The following SEC24A variants were observed in gnomAD, a reference collection of about 807,000 sequenced individuals.
SEC24A encodes the protein protein transport protein Sec24A.
In SEC24A, 93 loss-of-function variants were observed where a neutral mutation model predicts 129.4. The ratio of observed to expected loss-of-function variants is 0.72; its 90% CI spans 0.61 to 0.85. The LOEUF is 0.85. Among genes scored for constraint, SEC24A ranks in the 40% least tolerant of loss-of-function variants. SEC24A has a pLI of 0.00. For synonymous variants in SEC24A, 460 were observed against 467.3 expected (o/e 0.98, Z 0.20); for missense variants, 1,264 against 1,307.4 (o/e 0.97, Z 0.51).
At chr5:134,701,440 A>G (rs1184476681) in intron 15 of SEC24A, among the ~76,000 whole-genome samples, 2 of 152,016 alleles carry the variant, frequency 1.3e-5, no homozygotes, top group Non-Finnish European at 2.9e-5. Context: ...ACTTGTCAAG[A>G]CAGAGGCTAT....
chr5:134,666,949 A>G lies in SEC24A; in HGVS notation c.692A>G (p.Tyr231Cys), dbSNP rs538350330. ...GCCCTCACGCCCCTGACATCATCAT[A>G]TAGAGATGTACCCCAGCCCTTATTT... is the stretch of plus-strand genomic sequence containing the variant. ...VRALTPLTSS[Y>C]RDVPQPLFNS... The change falls in exon 3 of 23, where the codon TAT (tyrosine) becomes TGT (cysteine). Residue 231 changes from tyrosine (Y) to cysteine (C), a missense_variant. Coordinates refer to ENST00000398844, the MANE Select transcript of SEC24A (RefSeq NM_021982.3). 2.5e-6 allele frequency: 4 copies of G among 1,611,924 alleles called. No individual in the cohort carries two copies. The African/African-American group carries it at 4.0e-5, about 16-fold the overall frequency.
chr5:134,665,430 G>A (rs1335930239), intron 2 of SEC24A, among the ~76,000 whole-genome samples: 2 of 151,114 alleles, frequency 1.3e-5, no homozygotes, highest in Admixed American at 6.6e-5. Flanking sequence ...ACTCCAGCCT[G>A]GGGGACAAGA....
rs764277079 is a variant in SEC24A, at chr5:134,661,433, T to C, written c.412T>C (p.Trp138Arg). 2.0e-5 allele frequency: 33 copies of C among 1,614,084 alleles called. No homozygotes were observed. Among genetic ancestry groups the C allele is most frequent in the Admixed American group, 3.3e-5 (2 of 59,970 alleles). ...AGCCAACCTGCCACCACCTTTGAAT[T>C]GGCAATATAACTATCCATCCACAGC... ...PEANLPPPLN[W>R]QYNYPSTASQ... The change falls in exon 2 of 23, where the codon TGG becomes CGG. Residue 138 changes from tryptophan (W) to arginine (R), a missense_variant. Transcript: ENST00000398844.
chr5:134,686,789 G>T lies in SEC24A; in HGVS notation c.1492-1G>T, dbSNP rs368606877. On this transcript the variant is annotated splice_acceptor_variant, in intron 9 of 22. Coordinates refer to ENST00000398844, the MANE Select transcript of SEC24A (RefSeq NM_021982.3). LOFTEE classifies it high-confidence loss of function. Reference sequence around the variant, plus strand: ...ACTTAACAAGATCTTTTTTTCTTCAGTTACGACCACCTCAGCCTCCAGTGT... The same window carrying T: ...ACTTAACAAGATCTTTTTTTCTTCATTTACGACCACCTCAGCCTCCAGTGT... The T allele has an allele frequency of 1.3e-6, 2 of 1,578,508 alleles. No homozygotes were observed. The highest frequency in any genetic ancestry group is 1.8e-5 in the Admixed American group (1 of 54,358).
chr5:134,671,880 T>C lies in SEC24A; in HGVS notation c.811T>C (p.Leu271=). The C allele has an allele frequency of 1.2e-6, 2 of 1,604,928 alleles. No homozygotes were observed. The highest frequency in any genetic ancestry group is 1.7e-6 in the Non-Finnish European group (2 of 1,174,970). ...TTACGACGAGATTGAAGGAGGTGGC[T>C]TATTGGGTGAGATGCTATGAAAGTT... The part of the protein sequence containing the change: ...SSYDEIEGGG[L]LATPQLTNKN... Residue 271 remains leucine, a synonymous_variant, in exon 4 of 23, where the codon TTA becomes CTA. Transcript: ENST00000398844.
At chr5:134,650,557 T>C (rs1043176429) in intron 1 of SEC24A, among the ~76,000 whole-genome samples, 36 of 151,020 alleles carry the variant, frequency 2.4e-4, no homozygotes, top group African/African-American at 8.5e-4. Flanking sequence ...TTTTTTGAGA[T>C]GGAGTCTTGT....
intron 1 of SEC24A, among the ~76,000 whole-genome samples, chr5:134,660,657 G>A (rs1173621224): frequency 1.3e-5 from 2 of 150,750 alleles, no homozygotes; most frequent in Non-Finnish European, 2.9e-5. Flanking sequence ...CTGGGTTCAA[G>A]TAATCCTCCT....
intron 2 of SEC24A, among the ~76,000 whole-genome samples, chr5:134,664,333 T>G (rs1403409469): frequency 1.3e-5 from 2 of 152,146 alleles, no homozygotes; most frequent in Non-Finnish European, 2.9e-5. Flanking sequence ...TTAGTTCATA[T>G]ATTAAATTTT....
intron 9 of SEC24A, among the ~76,000 whole-genome samples, chr5:134,683,358 C>T (rs923819126): frequency 6.6e-5 from 10 of 151,548 alleles, no homozygotes; most frequent in African/African-American, 2.4e-4. Flanking sequence ...GTTTTTTTTT[C>T]CCTATTGCTT....
intron 8 of SEC24A, 127 bp from the exon 9 acceptor site, chr5:134,682,246 A>G: frequency 1.8e-6 from 1 of 543,106 alleles, no homozygotes; most frequent in Non-Finnish European, 3.2e-6. Flanking sequence ...CTGTCTCAAA[A>G]AAAAAAAAGA....
At chr5:134,680,809 A>G (rs1207330724) in intron 8 of SEC24A, among the ~76,000 whole-genome samples, 1 of 152,014 alleles carries the variant, frequency 6.6e-6, no homozygotes, top group Non-Finnish European at 1.5e-5. Context: ...TTTAAAAACC[A>G]GTTTTATTGG....
chr5:134,661,329 G>A lies in SEC24A; in HGVS notation c.308G>A (p.Gly103Asp), dbSNP rs759702999. 15 of 1,614,008 alleles carry A rather than the reference G, an allele frequency of 9.3e-6. No individual in the cohort carries two copies. The South Asian group carries it at 1.5e-4, about 17-fold the overall frequency. The change falls in exon 2 of 23, where the codon GGT becomes GAT. Residue 103 changes from glycine to aspartate, a missense_variant. Coordinates refer to ENST00000398844, the MANE Select transcript of SEC24A (RefSeq NM_021982.3). ...SNPVTPSLHS[G>D]PAPRMPLPAS... Reference sequence around the variant, plus strand: ...CCAGTGACACCTTCGCTTCATAGTGGTCCTGCTCCCCGAATGCCATTACCT... The same window carrying A: ...CCAGTGACACCTTCGCTTCATAGTGATCCTGCTCCCCGAATGCCATTACCT...
intron 19 of SEC24A, among the ~76,000 whole-genome samples, chr5:134,716,670 C>T (rs577059695): frequency 1.3e-5 from 2 of 148,632 alleles, no homozygotes; most frequent in South Asian, 2.2e-4. Flanking sequence ...TGGTGATGCA[C>T]GCCTGTAATC....
Position 134,694,064 on chromosome 5 carries a change from G to A in SEC24A, c.1986+131G>A, listed in dbSNP as rs1751745212. ...GGACTATAAGGAAGTTAACTTTTAT[G>A]TAGACATTTTTATTTTGTTACATTT... is the stretch of plus-strand genomic sequence containing the variant. On this transcript the variant is annotated intron_variant, in intron 13 of 22. Transcript: ENST00000398844. 8 of 706,054 alleles carry A rather than the reference G, an allele frequency of 1.1e-5. 1 individual carries two copies. The South Asian group carries it at 1.6e-4, about 14-fold the overall frequency. The allele number at this position is 706,054 out of a possible 1,614,324, so 43.7% of individuals were successfully genotyped here.
intron 11 of SEC24A, among the ~76,000 whole-genome samples, chr5:134,691,063 A>G (rs1344657079): frequency 6.6e-6 from 1 of 151,446 alleles, no homozygotes; most frequent in Non-Finnish European, 1.5e-5. Flanking sequence ...ATGTTGGCCA[A>G]TCTGGTCTCA....
intron 19 of SEC24A, 89 bp downstream of exon 19, chr5:134,715,250 T>G: frequency 8.9e-7 from 1 of 1,124,154 alleles, no homozygotes; most frequent in Non-Finnish European, 1.3e-6. Flanking sequence ...GTTTGTTTAT[T>G]ATTTAAGGCT....
chr5:134,718,878 G>T (rs989393360), intron 20 of SEC24A, among the ~76,000 whole-genome samples: 8 of 151,372 alleles, frequency 5.3e-5, no homozygotes, highest in Admixed American at 2.6e-4. Flanking sequence ...GCCGAGGCAG[G>T]AGAATCGCTT....
intron 8 of SEC24A, among the ~76,000 whole-genome samples, chr5:134,681,905 C>T (rs1418358193): frequency 6.6e-6 from 1 of 152,112 alleles, no homozygotes; most frequent in Non-Finnish European, 1.5e-5. Flanking sequence ...AGTGTCTGTA[C>T]ATTTCATATG....
chr5:134,699,696 CTTTTTTT>C (rs746836417), intron 15 of SEC24A, among the ~76,000 whole-genome samples: 2 of 112,718 alleles, frequency 1.8e-5, no homozygotes, highest in African/African-American at 3.6e-5. Flanking sequence ...TTTGTACTCT[CTTTTTTT>C]TTTTTTTTTT....
Sources: gnomAD v4.1 joint callset for allele counts (sites outside exome capture counted in the v4.1 genomes callset) on GRCh38, gnomAD v4.1.1 for gene constraint, MANE v1.5 for transcripts, NCBI Gene and HGNC (gene_info 2026-07-23, HGNC 2026-07-21) for gene names.